Variants in MIPOL1 observed in about 807,000 individuals in gnomAD.
MIPOL1 encodes the protein mirror-image polydactyly gene 1 protein.
Under a neutral mutation model 60.9 loss-of-function variants are expected in MIPOL1, and 57 were observed. That is an observed-to-expected ratio of 0.94 (90% confidence interval 0.76 to 1.17). The LOEUF (loss-of-function observed/expected upper bound fraction) is 1.17, where lower values mean the gene tolerates loss of function less well. Among genes scored for constraint, MIPOL1 ranks in the 50% most tolerant of loss-of-function variants. The pLI, the probability that MIPOL1 is intolerant of heterozygous loss-of-function variation, is 0.00. For missense variants in MIPOL1, 551 were observed against 511.6 expected (o/e 1.08, Z -0.74); for synonymous variants, 179 against 168.8 (o/e 1.06, Z -0.47).
intron 11 of MIPOL1, among the ~76,000 whole-genome samples, chr14:37,440,489 A>C (rs2094224952): frequency 6.6e-6 from 1 of 151,812 alleles, no homozygotes; most frequent in South Asian, 2.1e-4. Context: ...ATGGGTACAC[A>C]TTTTTTAGCA....
chr14:37,239,530 AAAAG>A (rs1972028221), intron 1 of MIPOL1, among the ~76,000 whole-genome samples: 1 of 152,218 alleles, frequency 6.6e-6, no homozygotes, highest in Admixed American at 6.5e-5. Context: ...TGTGGTAAAA[AAAAG>A]AGTACAACAC....
intron 11 of MIPOL1, among the ~76,000 whole-genome samples, chr14:37,498,088 T>G (rs1343728338): frequency 6.6e-6 from 1 of 152,176 alleles, no homozygotes; most frequent in Non-Finnish European, 1.5e-5. Flanking sequence ...AACAGCAAGG[T>G]GAACTTCACT....
intron 1 of MIPOL1, among the ~76,000 whole-genome samples, chr14:37,217,622 C>T (rs1271608208): frequency 6.6e-6 from 1 of 152,152 alleles, no homozygotes; most frequent in African/African-American, 2.4e-5. Flanking sequence ...ATCATATGAG[C>T]AGAACGAAGG....
chr14:37,353,806 T>C (rs746260466), intron 9 of MIPOL1, among the ~76,000 whole-genome samples: 7 of 152,194 alleles, frequency 4.6e-5, no homozygotes, highest in Non-Finnish European at 8.8e-5. Context: ...TTTTTTTCTT[T>C]ATTAGTCTTG....
intron 12 of MIPOL1, chr14:37,502,760 T>G (rs2095232772): frequency 6.6e-6 from 1 of 152,200 alleles, no homozygotes; most frequent in East Asian, 1.9e-4. Context: ...CAAAGCTAGA[T>G]GCAGAATGAC....
At chr14:37,202,759 C>T (rs1397972874) in intron 1 of MIPOL1, among the ~76,000 whole-genome samples, 1 of 152,190 alleles carries the variant, frequency 6.6e-6, no homozygotes, top group Non-Finnish European at 1.5e-5. Flanking sequence ...ATATTGCCTG[C>T]ACTACATTGC....
chr14:37,261,696 T>C (rs2082528971), intron 3 of MIPOL1, among the ~76,000 whole-genome samples: 1 of 152,130 alleles, frequency 6.6e-6, no homozygotes, highest in Admixed American at 6.6e-5. Context: ...TAGCTAATAT[T>C]TATTGTATAT....
At chr14:37,284,629 C>A (rs1268004513) in intron 6 of MIPOL1, among the ~76,000 whole-genome samples, 3 of 152,180 alleles carry the variant, frequency 2.0e-5, no homozygotes, top group African/African-American at 7.2e-5. Context: ...AGGCGTGAGC[C>A]ATTGTGCCTG....
chr14:37,536,614 G>A (rs1376174358), intron 12 of MIPOL1, among the ~76,000 whole-genome samples: 1 of 152,104 alleles, frequency 6.6e-6, no homozygotes, highest in Non-Finnish European at 1.5e-5. Flanking sequence ...TAAGCATTGA[G>A]TTTTTGTTTT....
At chr14:37,270,692 C>CTGGTACT (rs1442650928) in intron 6 of MIPOL1, among the ~76,000 whole-genome samples, 167 bp downstream of exon 6, 1 of 142,864 alleles carries the variant, frequency 7.0e-6, no homozygotes, top group Non-Finnish European at 1.5e-5. Context: ...CTTTAACATC[C>CTGGTACT]TGGTACTGGT....
chr14:37,292,414 G>T (rs985639189), intron 7 of MIPOL1, among the ~76,000 whole-genome samples: 3 of 138,862 alleles, frequency 2.2e-5, no homozygotes, highest in African/African-American at 8.0e-5. Flanking sequence ...AGGCAATTTT[G>T]TCAAAAACTT....
At chr14:37,257,530 C>T (rs1975163235) in intron 3 of MIPOL1, among the ~76,000 whole-genome samples, 1 of 152,074 alleles carries the variant, frequency 6.6e-6, no homozygotes, top group African/African-American at 2.4e-5. Flanking sequence ...TTATATCCAT[C>T]TTGACATTTT....
intron 1 of MIPOL1, among the ~76,000 whole-genome samples, chr14:37,221,795 A>G (rs1192027314): frequency 6.6e-6 from 1 of 152,294 alleles, no homozygotes; most frequent in Admixed American, 6.5e-5. Context: ...TTGGGTGGTG[A>G]TACAGAACCA....
intron 3 of MIPOL1, among the ~76,000 whole-genome samples, chr14:37,264,327 A>G (rs2082713459): frequency 7.0e-6 from 1 of 142,044 alleles, no homozygotes; most frequent in African/African-American, 2.9e-5. Context: ...AATGTTTCAG[A>G]AAAAAAAAAA....
intron 12 of MIPOL1, among the ~76,000 whole-genome samples, chr14:37,540,628 C>T (rs971688415): frequency 1.3e-5 from 2 of 152,134 alleles, no homozygotes; most frequent in African/African-American, 2.4e-5. Context: ...CCTCCTTCTG[C>T]TTTTGTCCTT....
At chr14:37,234,332 T>C (rs559389047) in intron 1 of MIPOL1, among the ~76,000 whole-genome samples, 13 of 151,394 alleles carry the variant, frequency 8.6e-5, no homozygotes, top group Non-Finnish European at 1.3e-4. Context: ...TATTGTCTGG[T>C]CCCTTCTTTT....
chr14:37,371,088 C>CTA (rs2092624968), intron 10 of MIPOL1, among the ~76,000 whole-genome samples: 1 of 151,214 alleles, frequency 6.6e-6, no homozygotes, highest in Admixed American at 6.6e-5. Flanking sequence ...ATGATAGCTG[C>CTA]TATTTATGGA....
At chr14:37,276,421 T>C (rs1464686646) in intron 6 of MIPOL1, 1 of 151,050 alleles carries the variant, frequency 6.6e-6, no homozygotes, top group Non-Finnish European at 1.5e-5. Context: ...GGTTAAAATG[T>C]AAAGGGTAAA....
intron 7 of MIPOL1, among the ~76,000 whole-genome samples, chr14:37,303,098 A>AT (rs1414623304): frequency 6.6e-6 from 1 of 151,938 alleles, no homozygotes; most frequent in Non-Finnish European, 1.5e-5. Context: ...TTCTAAAAAG[A>AT]TTTTTATGCT....
Sources: gnomAD v4.1 joint callset for allele counts (sites outside exome capture counted in the v4.1 genomes callset) on GRCh38, gnomAD v4.1.1 for gene constraint, MANE v1.5 for transcripts, NCBI Gene and HGNC (gene_info 2026-07-23, HGNC 2026-07-21) for gene names.